RBFOX3: variants seen among roughly 807,000 people sequenced by gnomAD.
RBFOX3 encodes RNA binding fox-1 homolog 3, also known as RNA binding protein fox-1 homolog 3.
A neutral mutation model predicts 48.7 loss-of-function variants in RBFOX3; 17 were observed. That is an observed-to-expected ratio of 0.35 (90% CI 0.24 to 0.52). RBFOX3 has a LOEUF of 0.52. Ranked by LOEUF, RBFOX3 falls within the 20% of genes least tolerant of loss-of-function variation. RBFOX3 has a pLI of 0.94. For synonymous variants in RBFOX3, 212 were observed against 209.5 expected, an observed-to-expected ratio of 1.01 and a Z score of -0.10; for missense variants, 382 against 497.5, an observed-to-expected ratio of 0.77 and a Z score of 2.21.
Position 79,367,070 on chromosome 17 carries a change from C to T in RBFOX3, c.-174-59246G>A, listed in dbSNP as rs138853100. On this transcript the variant is annotated intron_variant, in intron 2 of 14. Transcript: ENST00000693108. ...GTTGTGACTGCCTCACAGCCTCACA[C>T]CTCCCTTGCCCAATTCTGCTGCCCT... 7.2e-5 allele frequency among the ~76,000 whole-genome samples: 11 copies of T among 152,288 alleles called. No homozygotes were observed. The East Asian group carries it at 1.9e-3, about 27-fold the overall frequency.
In RBFOX3 at chr17:79,103,341, G is replaced by A; in HGVS notation, c.415-87C>T. 1 of 886,916 alleles carries A rather than the reference G, an allele frequency of 1.1e-6. No homozygotes were observed. The highest frequency in any genetic ancestry group is 2.7e-5 in the East Asian group (1 of 37,702). The allele number at this position is 886,916 out of a possible 1,614,324, so 54.9% of individuals were successfully genotyped here. On this transcript the variant is annotated intron_variant, in intron 7 of 14. Transcript: ENST00000693108. The surrounding 1 kb of genome is among the most constrained non-coding windows in gnomAD (Gnocchi z 6.1). ...GGAAGACGAGGAAGAAGAGGAGTGG[G>A]AGGGGGGCAGGGGAGTGGGGAGAGA...
chr17:79,465,766 T>A (rs2076226721), intron 2 of RBFOX3, among the ~76,000 whole-genome samples: 1 of 152,206 alleles, frequency 6.6e-6, no homozygotes, highest in African/African-American at 2.4e-5. Flanking sequence ...CAGGTAGCCA[T>A]GCTTCAGCCC....
At chr17:79,372,813 T>C (rs2058736982) in intron 2 of RBFOX3, among the ~76,000 whole-genome samples, 1 of 152,196 alleles carries the variant, frequency 6.6e-6, no homozygotes, top group African/African-American at 2.4e-5. Context: ...GAGCTGCGTG[T>C]CCAACTGGCC....
intron 2 of RBFOX3, among the ~76,000 whole-genome samples, chr17:79,399,110 G>A (rs1417856012): frequency 6.6e-6 from 1 of 152,164 alleles, no homozygotes; most frequent in Non-Finnish European, 1.5e-5. Context: ...GCCCCCAGAG[G>A]CTAAGAAGCC....
intron 2 of RBFOX3, among the ~76,000 whole-genome samples, chr17:79,413,551 C>T (rs769441972): frequency 3.9e-5 from 6 of 152,260 alleles, no homozygotes; most frequent in Non-Finnish European, 7.3e-5. Flanking sequence ...TTCCCGTGGC[C>T]ACACTTCATC....
At chr17:79,358,165 C>G (rs1019471182) in intron 2 of RBFOX3, among the ~76,000 whole-genome samples, 1 of 152,150 alleles carries the variant, frequency 6.6e-6, no homozygotes, top group Non-Finnish European at 1.5e-5. Context: ...AAGCTGGTCT[C>G]AAACACCTGG....
At chr17:79,611,109 T>G (rs1422456948), upstream of RBFOX3, among the ~76,000 whole-genome samples, 7 of 62,766 alleles carry the variant, frequency 1.1e-4, no homozygotes, top group African/African-American at 1.5e-4. Flanking sequence ...CTCTCTCTCC[T>G]CCCTCCTCTC....
chr17:79,426,537 C>T (rs1050598822), intron 2 of RBFOX3, among the ~76,000 whole-genome samples: 2 of 152,102 alleles, frequency 1.3e-5, no homozygotes, highest in African/African-American at 4.8e-5. Context: ...CTCGTTTTAC[C>T]GGTGAGGGAA....
At chr17:79,490,382 G>C (rs977494402) in intron 1 of RBFOX3, among the ~76,000 whole-genome samples, 1 of 152,194 alleles carries the variant, frequency 6.6e-6, no homozygotes. Flanking sequence ...CCCCAAGGTC[G>C]GGAGAATGGT....
At position 79,421,693 on chromosome 17, in the gene RBFOX3, T is replaced by C. The variant is rs1186690366; in HGVS notation, c.-175+60761A>G. On this transcript the variant is annotated intron_variant, in intron 2 of 14. Transcript: ENST00000693108. The surrounding 1 kb of genome is among the most constrained non-coding windows in gnomAD (Gnocchi z 4.5). ...ACCATAGGACCAAACAAGATGACCA[T>C]AGGACCAAGCAAGATGACGCAGGCC... Among the ~76,000 whole-genome samples the C allele has an allele frequency of 2.0e-5, 3 of 151,910 alleles. No homozygotes were observed. Among genetic ancestry groups the C allele is most frequent in the Admixed American group, 1.3e-4 (2 of 15,262 alleles).
chr17:79,410,580 T>C (rs559039951), intron 2 of RBFOX3, among the ~76,000 whole-genome samples: 10 of 152,142 alleles, frequency 6.6e-5, no homozygotes, highest in African/African-American at 2.2e-4. Flanking sequence ...GTAAAAGGGA[T>C]GGGGCAAAGG....
rs1320377149 is a variant in RBFOX3, at chr17:79,277,573, A to G, written c.-74+30151T>C. On this transcript the variant is annotated intron_variant, in intron 3 of 14. Coordinates refer to ENST00000693108, the MANE Select transcript of RBFOX3 (RefSeq NM_001350451.2). Reference sequence around the variant, plus strand: ...TACAGCCGACGCGGTATGTTTGCCAAGGATGGCCTGGCCACTGCGGGCCTC... The same window carrying G: ...TACAGCCGACGCGGTATGTTTGCCAGGGATGGCCTGGCCACTGCGGGCCTC... Among the ~76,000 whole-genome samples the G allele has an allele frequency of 2.0e-5, 3 of 152,380 alleles. No individual in the cohort carries two copies. In the East Asian group the frequency reaches 5.8e-4, roughly 29 times the overall value.
chr17:79,097,658 T>G (rs532279665), intron 10 of RBFOX3, 34 bp downstream of exon 10: 21 of 1,333,512 alleles, frequency 1.6e-5, no homozygotes, highest in Middle Eastern at 1.9e-4. Flanking sequence ...AAGTAGCTGG[T>G]CTCATCCCAT....
chr17:79,463,604 G>A (rs1313748183), intron 2 of RBFOX3, among the ~76,000 whole-genome samples: 3 of 119,226 alleles, frequency 2.5e-5, no homozygotes, highest in Admixed American at 1.7e-4. Flanking sequence ...CACCACCATC[G>A]CCACCTCCAC....
At chr17:79,415,585 C>T (rs2065212617) in intron 2 of RBFOX3, among the ~76,000 whole-genome samples, 1 of 152,232 alleles carries the variant, frequency 6.6e-6, no homozygotes, top group African/African-American at 2.4e-5. Flanking sequence ...CAAAGCCACT[C>T]TGCCGGCTCC....
At chr17:79,149,473 G>A (rs1012732872) in intron 4 of RBFOX3, among the ~76,000 whole-genome samples, 8 of 152,270 alleles carry the variant, frequency 5.3e-5, no homozygotes, top group Non-Finnish European at 1.2e-4. Flanking sequence ...GGCTGGACAC[G>A]AGAGTGGACC....
Position 79,473,220 on chromosome 17 carries a change from C to T in RBFOX3, c.-175+9234G>A, listed in dbSNP as rs1359270197. On this transcript the variant is annotated intron_variant, in intron 2 of 14. Coordinates refer to ENST00000693108, the MANE Select transcript of RBFOX3 (RefSeq NM_001350451.2). This position sits in a 1 kb window ranked among gnomAD's most constrained non-coding sequence, Gnocchi z 4.2. ...TGCAGGGATCAGGAGCAGCACCTCA[C>T]GGGCTGGCACCCATCCACAGACCTC... 1.3e-5 allele frequency among the ~76,000 whole-genome samples: 2 copies of T among 152,342 alleles called. No individual in the cohort carries two copies. The highest frequency in any genetic ancestry group is 1.9e-4 in the East Asian group (1 of 5,190).
intron 2 of RBFOX3, among the ~76,000 whole-genome samples, chr17:79,429,041 G>A (rs561488669): frequency 7.9e-5 from 12 of 152,210 alleles, no homozygotes; most frequent in African/African-American, 2.9e-4. Flanking sequence ...TCCCCCTTGA[G>A]ATTCTCCCCT....
At chr17:79,557,047 C>T (rs887445017) in intron 1 of RBFOX3, among the ~76,000 whole-genome samples, 196 of 152,058 alleles carry the variant, frequency 1.3e-3, no homozygotes, top group Non-Finnish European at 2.3e-3. Context: ...AGTTCAAGAC[C>T]AGCCTGGGCA....
Sources: gnomAD v4.1 joint callset for allele counts (sites outside exome capture counted in the v4.1 genomes callset) on GRCh38, gnomAD v4.1.1 for gene constraint, Gnocchi (gnomAD v3.1) non-coding constraint, MANE v1.5 for transcripts, NCBI Gene and HGNC (gene_info 2026-07-23, HGNC 2026-07-21) for gene names.